The following LRRC39 variants were observed in gnomAD, a reference collection of about 807,000 sequenced individuals.
The protein encoded by LRRC39 is leucine-rich repeat-containing protein 39.
A neutral mutation model predicts 39.7 loss-of-function variants in LRRC39; 35 were observed. That is an observed-to-expected ratio of 0.88 (90% CI 0.67 to 1.17). LRRC39 has a LOEUF of 1.17. Ranked by LOEUF, LRRC39 falls within the 50% of genes most tolerant of loss-of-function variation. LRRC39 has a pLI of 0.00. For synonymous variants in LRRC39, 113 were observed against 134.1 expected, an observed-to-expected ratio of 0.84 and a Z score of 1.09; for missense variants, 357 against 385.8, an observed-to-expected ratio of 0.93 and a Z score of 0.62.
chr1:100,156,577 T>C (rs1658460881), intron 6 of LRRC39, among the ~76,000 whole-genome samples: 1 of 152,252 alleles, frequency 6.6e-6, no homozygotes, highest in Non-Finnish European at 1.5e-5. Flanking sequence ...GTTTATAGAA[T>C]GTGCCTGGCA....
In LRRC39 at chr1:100,158,251, T is replaced by C. The variant is rs1309341221; in HGVS notation, c.493A>G (p.Ile165Val). 6.2e-7 allele frequency: 1 copy of C among 1,614,030 alleles called. No individual in the cohort carries two copies. The highest frequency in any genetic ancestry group is 1.1e-5 in the South Asian group (1 of 91,072). Residue 165 changes from isoleucine to valine, a missense_variant, in exon 6 of 10, where the codon ATA becomes GTA. Transcript: ENST00000370137. The part of the protein sequence containing the change: ...EKLELAVNRD[I>V]CDLPQELSNL... Reference sequence around the variant, plus strand: ...CTAACCTCTTGTGGAAGATCACATATATCTCTGTTAACAGCCAGTTCTAGT... The same window carrying C: ...CTAACCTCTTGTGGAAGATCACATACATCTCTGTTAACAGCCAGTTCTAGT...
intron 2 of LRRC39, among the ~76,000 whole-genome samples, chr1:100,170,873 G>A (rs1343666934): frequency 1.3e-5 from 2 of 152,052 alleles, no homozygotes; most frequent in Admixed American, 6.6e-5. Flanking sequence ...CACCATGTCT[G>A]GCTAATCAAT....
intron 6 of LRRC39, 68 bp downstream of exon 6, chr1:100,158,163 A>C: frequency 6.8e-7 from 1 of 1,470,192 alleles, no homozygotes; most frequent in South Asian, 1.2e-5. Flanking sequence ...TATTGTTAAC[A>C]ACCACACATT....
chr1:100,159,156 G>A (rs1306707132), intron 5 of LRRC39, 103 bp downstream of exon 5: 1 of 901,572 alleles, frequency 1.1e-6, no homozygotes, highest in Non-Finnish European at 1.6e-6. Flanking sequence ...AAGGTTGAGG[G>A]CTGTATAAAG....
chr1:100,150,942 A>G (rs1657939401), intron 9 of LRRC39, among the ~76,000 whole-genome samples: 1 of 152,082 alleles, frequency 6.6e-6, no homozygotes, highest in African/African-American at 2.4e-5. Flanking sequence ...AGCCTGACCA[A>G]TATGGTGAAA....
chr1:100,175,079 AGAAGCAGATGCCAGCACCATGCTTCCTG>A (rs1659866517), intron 1 of LRRC39, among the ~76,000 whole-genome samples: 1 of 12,390 alleles, frequency 8.1e-5, no homozygotes, highest in Non-Finnish European at 5.9e-4. Context: ...AAGCTCCCTG[AGAAGCAGATGCCAGCACCATGCTTCCTG>A]TAAAGCCTGC....
chr1:100,149,147 A>G, intron 9 of LRRC39, 50 bp from the exon 10 acceptor site: 1 of 1,564,048 alleles, frequency 6.4e-7, no homozygotes, highest in Non-Finnish European at 8.6e-7. Flanking sequence ...TTCTGTTTGT[A>G]TTAATTTTGG....
intron 8 of LRRC39, among the ~76,000 whole-genome samples, chr1:100,154,109 T>C (rs538008943): frequency 1.3e-5 from 2 of 152,214 alleles, no homozygotes; most frequent in South Asian, 4.1e-4. Context: ...AATAATGCTA[T>C]GGGTTAATAC....
chr1:100,162,640 G>GA lies in LRRC39; in HGVS notation c.114-2070dup, dbSNP rs957530341. ...GCGACAGAGCAAGACTCGGTCTCCA[G>GA]AAAAAAAAAAAGAAAGAAAAGAAAC... On this transcript the variant is annotated intron_variant, in intron 3 of 9. Transcript: ENST00000370137. Among the ~76,000 whole-genome samples the GA allele has an allele frequency of 6.0e-3, 802 of 134,010 alleles. 4 individuals are homozygous for GA. The highest frequency in any genetic ancestry group is 0.018 in the African/African-American group (646 of 36,636). The allele number at this position is 134,010 out of a possible 152,430, so 87.9% of individuals were successfully genotyped here.
At chr1:100,159,536 A>T in intron 4 of LRRC39, 121 bp from the exon 5 acceptor site, 15 of 584,724 alleles carry the variant, frequency 2.6e-5, no homozygotes, top group East Asian at 1.1e-4. Context: ...TGTTTTCCTT[A>T]GTGGGTTACT....
At chr1:100,179,499 C>CAAAAAAAAAAAAAAAAAAAAAAA (rs60588308), upstream of LRRC39, among the ~76,000 whole-genome samples, 2 of 45,618 alleles carry the variant, frequency 4.4e-5, no homozygotes, top group African/African-American at 1.6e-4. Flanking sequence ...CTGTATCTAC[C>CAAAAAAAAAAAAAAAAAAAAAAA]AAAAAAAAAA....
intron 1 of LRRC39, among the ~76,000 whole-genome samples, chr1:100,175,123 C>T (rs1007661174): frequency 5.9e-5 from 9 of 151,306 alleles, no homozygotes; most frequent in Non-Finnish European, 8.8e-5. Flanking sequence ...CCTGCAGAAC[C>T]GTGAGCCAGT....
chr1:100,172,821 G>A (rs1442693324), intron 2 of LRRC39, among the ~76,000 whole-genome samples: 6 of 152,012 alleles, frequency 3.9e-5, no homozygotes, highest in Non-Finnish European at 4.4e-5. Context: ...TTAGCCGGGC[G>A]TGGTGGCAGG....
intron 1 of LRRC39, among the ~76,000 whole-genome samples, chr1:100,175,671 A>C (rs781085826): frequency 5.0e-4 from 76 of 152,078 alleles, no homozygotes; most frequent in Non-Finnish European, 9.8e-4. Context: ...TATATAACGA[A>C]CTCCTTAAAA....
At chr1:100,176,870 T>G (rs1660003445) in intron 1 of LRRC39, among the ~76,000 whole-genome samples, 1 of 152,190 alleles carries the variant, frequency 6.6e-6, no homozygotes, top group Non-Finnish European at 1.5e-5. Flanking sequence ...AAATGCCATA[T>G]ATCTTGAAAA....
chr1:100,149,457 T>G (rs1210299465), intron 9 of LRRC39: 4 of 1,532,720 alleles, frequency 2.6e-6, no homozygotes, highest in Non-Finnish European at 2.6e-6. Flanking sequence ...GAAAAAAGAT[T>G]ATTTCACTTA....
chr1:100,172,542 G>T (rs891840454), intron 2 of LRRC39, among the ~76,000 whole-genome samples: 3 of 151,242 alleles, frequency 2.0e-5, no homozygotes, highest in African/African-American at 7.3e-5. Flanking sequence ...TACAAAAAAG[G>T]CCAGGCGTGG....
At chr1:100,150,887 G>A (rs1264492637) in intron 9 of LRRC39, among the ~76,000 whole-genome samples, 3 of 152,040 alleles carry the variant, frequency 2.0e-5, no homozygotes, top group Non-Finnish European at 4.4e-5. Context: ...CAGCACTTTG[G>A]GAGGCCAAGG....
At chr1:100,161,313 C>A (rs911518464) in intron 3 of LRRC39, among the ~76,000 whole-genome samples, 2 of 152,158 alleles carry the variant, frequency 1.3e-5, no homozygotes, top group South Asian at 4.1e-4. Context: ...TATGGATTTT[C>A]CTATCCTGGA....
Sources: allele counts gnomAD v4.1 joint callset (sites outside exome capture counted in the v4.1 genomes callset), GRCh38; gene constraint gnomAD v4.1.1; transcripts MANE v1.5; gene names NCBI Gene and HGNC (gene_info 2026-07-23, HGNC 2026-07-21).